GPR146: variants seen among roughly 807,000 people sequenced by gnomAD.
GPR146 encodes the protein G protein-coupled receptor 146.
For synonymous variants in GPR146, 203 were observed against 104.3 expected (o/e 1.95, Z -5.77); for missense variants, 381 against 213.9 (o/e 1.78, Z -4.87).
At chr7:1,045,237 C>T (rs896437077) in intron 1 of GPR146, 3 of 152,218 alleles carry the variant, frequency 2.0e-5, no homozygotes, top group Non-Finnish European at 4.4e-5. Flanking sequence ...CTAAATTAGG[C>T]ATAAGTCTAT....
Position 1,058,567 on chromosome 7 carries a change from T to C in GPR146, c.*50T>C, listed in dbSNP as rs561974147. On this transcript the variant is annotated 3_prime_UTR_variant, in exon 2 of 2. Coordinates refer to ENST00000444847, the MANE Select transcript of GPR146 (RefSeq NM_001303473.2). Reference sequence around the variant, plus strand: ...GTGACTCTGGTGGACGCAGAGCACTTAGTTACCCTGGACGCTCCCCACATC... The same window carrying C: ...GTGACTCTGGTGGACGCAGAGCACTCAGTTACCCTGGACGCTCCCCACATC... 1.1e-5 allele frequency: 8 copies of C among 728,924 alleles called. No homozygotes were observed. In the South Asian group the frequency reaches 1.2e-4, roughly 11 times the overall value. 45.2% of individuals were successfully genotyped at this position (728,924 alleles called of 1,614,324 possible).
rs1784085394 is a variant in GPR146, at chr7:1,058,267, T to C, written c.752T>C (p.Leu251Pro). Residue 251 changes from leucine to proline, a missense_variant, in exon 2 of 2, where the codon CTG becomes CCG. Coordinates refer to ENST00000444847, the MANE Select transcript of GPR146 (RefSeq NM_001303473.2). ...TTTGGGCTCTGGACGCCACACTATC[T>C]GATCCTGCTGGGGCACACGGTCATC... ...TQFGLWTPHY[L>P]ILLGHTVIIS... The C allele has an allele frequency of 1.3e-6, 1 of 772,208 alleles. No individual in the cohort carries two copies. Among genetic ancestry groups the C allele is most frequent in the Non-Finnish European group, 2.4e-6 (1 of 417,958 alleles). The allele number at this position is 772,208 out of a possible 1,614,324, so 47.8% of individuals were successfully genotyped here.
Position 1,057,982 on chromosome 7 carries a change from T to C in GPR146, c.467T>C (p.Leu156Pro), listed in dbSNP as rs1283724662. The C allele has an allele frequency of 1.3e-6, 1 of 770,818 alleles. No individual in the cohort carries two copies. The highest frequency in any genetic ancestry group is 2.4e-6 in the Non-Finnish European group (1 of 417,922). The allele number at this position is 770,818 out of a possible 1,614,324, so 47.7% of individuals were successfully genotyped here. ...HVCGFVWGGA[L>P]LTSFSSLLFY... ...TGCGGCTTCGTGTGGGGTGGCGCGC[T>C]GCTGACCAGCTTCTCCTCGCTGCTC... is the stretch of plus-strand genomic sequence containing the variant. Residue 156 changes from leucine to proline, a missense_variant, in exon 2 of 2, where the codon CTG becomes CCG. By Grantham distance (98) the Leu-to-Pro change is moderately conservative. Coordinates refer to ENST00000444847, the MANE Select transcript of GPR146 (RefSeq NM_001303473.2).
rs1444019870 is a variant in GPR146, at chr7:1,058,172, C to T, written c.657C>T (p.Pro219=). 1.4e-6 allele frequency: 1 copy of T among 740,070 alleles called. No homozygotes were observed. Among genetic ancestry groups the T allele is most frequent in the Non-Finnish European group, 2.5e-6 (1 of 403,838 alleles). 45.8% of individuals were successfully genotyped at this position (740,070 alleles called of 1,614,324 possible). ...CCCGCGTCCGCAGGGAGGACACGCC[C>T]CTGGACCGGGACACGGGCCGGCTGG... is the stretch of plus-strand genomic sequence containing the variant. ...LLSRVRREDT[P]LDRDTGRLEP... Residue 219 remains proline (P), a synonymous_variant, in exon 2 of 2, where the codon CCC becomes CCT. Transcript: ENST00000444847.
chr7:1,052,974 A>G lies in GPR146; in HGVS notation c.-24-4518A>G, dbSNP rs990613086. 1.3e-5 allele frequency among the ~76,000 whole-genome samples: 2 copies of G among 152,176 alleles called. No individual in the cohort carries two copies. Among genetic ancestry groups the G allele is most frequent in the African/African-American group, 4.8e-5 (2 of 41,438 alleles). The stretch of plus-strand genomic sequence containing the variant: ...ATCTGGGCTTTCTCTCCCAGCCTCT[A>G]AGTCTCCCATCACCTGGCTCCCCGT... On this transcript the variant is annotated intron_variant, in intron 1 of 1. Coordinates refer to ENST00000444847, the MANE Select transcript of GPR146 (RefSeq NM_001303473.2). The surrounding 1 kb of genome is among the most constrained non-coding windows in gnomAD (Gnocchi z 4.2).
At chr7:1,048,470 C>G (rs1201105201) in intron 1 of GPR146, among the ~76,000 whole-genome samples, 2 of 151,952 alleles carry the variant, frequency 1.3e-5, no homozygotes, top group African/African-American at 4.8e-5. Flanking sequence ...GGGTGCCTCT[C>G]AGGTTGAGAG....
Position 1,057,737 on chromosome 7 carries a change from G to A in GPR146, c.222G>A (p.Leu74=), listed in dbSNP as rs1262885390. The change falls in exon 2 of 2, where the codon CTG becomes CTA. Residue 74 remains leucine, a synonymous_variant. Transcript: ENST00000444847. The stretch of plus-strand genomic sequence containing the variant: ...TTGTCAACATGGCAGTGGCAGGCCT[G>A]GTGCTCAGCGCCCTGGCCCCTGTGC... ...VYFVNMAVAG[L]VLSALAPVHL... is the part of the protein sequence containing the mutation. 1.3e-6 allele frequency: 1 copy of A among 775,394 alleles called. No homozygotes were observed. Among genetic ancestry groups the A allele is most frequent in the Non-Finnish European group, 2.4e-6 (1 of 417,588 alleles). The allele number at this position is 775,394 out of a possible 1,614,324, so 48.0% of individuals were successfully genotyped here.
At position 1,058,211 on chromosome 7, in the gene GPR146, C is replaced by T. The variant is rs763000235; in HGVS notation, c.696C>T (p.His232=). 3 of 752,360 alleles carry T rather than the reference C, an allele frequency of 4.0e-6. No homozygotes were observed. Among genetic ancestry groups the T allele is most frequent in the Non-Finnish European group, 7.3e-6 (3 of 410,528 alleles). The allele number at this position is 752,360 out of a possible 1,614,324, so 46.6% of individuals were successfully genotyped here. The change falls in exon 2 of 2, where the codon CAC becomes CAT. Residue 232 remains histidine (H), a synonymous_variant. Coordinates refer to ENST00000444847, the MANE Select transcript of GPR146 (RefSeq NM_001303473.2). Reference sequence around the variant, plus strand: ...CGGGCCGGCTGGAGCCCTCGGCACACAGGCTGCTGGTGGCCACCGTGTGCA... The same window carrying T: ...CGGGCCGGCTGGAGCCCTCGGCACATAGGCTGCTGGTGGCCACCGTGTGCA... ...RDTGRLEPSA[H]RLLVATVCTQ... is the part of the protein sequence containing the mutation.
chr7:1,055,551 A>C (rs1783645284), intron 1 of GPR146: 1 of 421,524 alleles, frequency 2.4e-6, no homozygotes, highest in Admixed American at 2.5e-5. Flanking sequence ...CAGGCAGGAG[A>C]GGGGACGTGG....
chr7:1,055,318 C>T (rs1438003019), intron 1 of GPR146: 9 of 471,164 alleles, frequency 1.9e-5, no homozygotes, highest in Non-Finnish European at 4.0e-5. Flanking sequence ...CACACGCACG[C>T]GCAGGCGGCC....
At chr7:1,054,339 G>A (rs1050627420) in intron 1 of GPR146, among the ~76,000 whole-genome samples, 13 of 152,350 alleles carry the variant, frequency 8.5e-5, no homozygotes, top group African/African-American at 2.9e-4. Flanking sequence ...TGCACAGAGA[G>A]CAACCTGCAG....
intron 1 of GPR146, among the ~76,000 whole-genome samples, chr7:1,053,647 G>A (rs934424173): frequency 3.3e-5 from 5 of 152,190 alleles, no homozygotes; most frequent in African/African-American, 1.2e-4. Context: ...GGCCAACATG[G>A]AGAAACCTTG....
chr7:1,058,653 C>T lies in GPR146; in HGVS notation c.*136C>T, dbSNP rs2128206022. 3 of 612,306 alleles carry T rather than the reference C, an allele frequency of 4.9e-6. No homozygotes were observed. The highest frequency in any genetic ancestry group is 8.9e-6 in the Non-Finnish European group (3 of 336,256). 37.9% of individuals were successfully genotyped at this position (612,306 alleles called of 1,614,324 possible). A position where few individuals can be genotyped will look rare whatever the true frequency, so the allele number is the denominator to read the frequency against. ...GGAGGGGTGTTTTTCTTGAAGTTTC[C>T]TTTTTCCCACAAATGCCACTCTTGG... is the stretch of plus-strand genomic sequence containing the variant. On this transcript the variant is annotated 3_prime_UTR_variant, in exon 2 of 2. Transcript: ENST00000444847.
At chr7:1,055,565 A>G (rs571610315) in intron 1 of GPR146, 1 of 406,222 alleles carries the variant, frequency 2.5e-6, no homozygotes, top group Non-Finnish European at 5.0e-6. Flanking sequence ...GACGTGGGGG[A>G]CTCTGTGCAG....
Position 1,053,683 on chromosome 7 carries a change from T to C in GPR146, c.-24-3809T>C, listed in dbSNP as rs368626590. Among the ~76,000 whole-genome samples the C allele has an allele frequency of 1.7e-3, 253 of 152,146 alleles. 2 individuals carry two copies. The highest frequency in any genetic ancestry group is 5.1e-3 in the African/African-American group (213 of 41,508). ...TCTCTACTGAAAATACAAAATTAGC[T>C]GGGTGTGGTGGCAGTCGCCTGTAAT... On this transcript the variant is annotated intron_variant, in intron 1 of 1. Transcript: ENST00000444847.
At chr7:1,048,289 G>A (rs1051756118) in intron 1 of GPR146, among the ~76,000 whole-genome samples, 2 of 152,182 alleles carry the variant, frequency 1.3e-5, no homozygotes, top group Admixed American at 6.5e-5. Context: ...AGCAACAGAG[G>A]AAAGAACTTC....
intron 1 of GPR146, 134 bp from the exon 2 acceptor site, chr7:1,057,358 G>A: frequency 5.1e-6 from 3 of 594,010 alleles, no homozygotes; most frequent in Non-Finnish European, 3.0e-6. Context: ...TCACAGAAAT[G>A]CACCAAAGGC....
rs769441333 is a variant in GPR146, at chr7:1,058,050, G to A, written c.535G>A (p.Ala179Thr). 4.6e-5 allele frequency: 35 copies of A among 768,412 alleles called. No homozygotes were observed. In the Admixed American group the frequency reaches 4.6e-4, roughly 10 times the overall value. The allele number at this position is 768,412 out of a possible 1,614,324, so 47.6% of individuals were successfully genotyped here. Residue 179 changes from alanine (A) to threonine (T), a missense_variant, in exon 2 of 2, where the codon GCC becomes ACC. Physicochemically the swap from Ala to Thr is moderately conservative, Grantham distance 58. Coordinates refer to ENST00000444847, the MANE Select transcript of GPR146 (RefSeq NM_001303473.2). ...TGTGTCCACCCGCGCGCTAGAGTGCGCCAAGATGCAGAACGCAGAAGCTGC... is the reference window on the plus strand; with the variant it reads ...TGTGTCCACCCGCGCGCTAGAGTGCACCAAGATGCAGAACGCAGAAGCTGC... ...SHVSTRALEC[A>T]KMQNAEAADA...
intron 1 of GPR146, chr7:1,055,262 C>T (rs1563054275): frequency 6.4e-6 from 3 of 471,160 alleles, no homozygotes; most frequent in Non-Finnish European, 1.3e-5. Flanking sequence ...AGAGGCCCTG[C>T]GGGGAACTTA....
Sources: allele counts gnomAD v4.1 joint callset (sites outside exome capture counted in the v4.1 genomes callset), GRCh38; gene constraint gnomAD v4.1.1; non-coding constraint Gnocchi (gnomAD v3.1); transcripts MANE v1.5; gene names NCBI Gene and HGNC (gene_info 2026-07-23, HGNC 2026-07-21).